The following SORCS1 variants were observed in gnomAD, a reference collection of about 807,000 sequenced individuals.
The protein encoded by SORCS1 is sortilin related VPS10 domain containing receptor 1.
Under a neutral mutation model 146.1 loss-of-function variants are expected in SORCS1, and 60 were observed. The ratio of observed to expected loss-of-function variants is 0.41; its 90% CI spans 0.33 to 0.51. The LOEUF (loss-of-function observed/expected upper bound fraction) is 0.51, where lower values mean the gene tolerates loss of function less well. SORCS1 is among the 20% of genes least tolerant of loss of function. SORCS1 has a pLI of 0.21. For synonymous variants in SORCS1, 637 were observed against 584.0 expected, an observed-to-expected ratio of 1.09 and a Z score of -1.31; for missense variants, 1,352 against 1,487.6, an observed-to-expected ratio of 0.91 and a Z score of 1.50.
chr10:106,988,861 C>T (rs914529157), intron 1 of SORCS1, among the ~76,000 whole-genome samples: 2 of 152,022 alleles, frequency 1.3e-5, no homozygotes, highest in Non-Finnish European at 2.9e-5. Flanking sequence ...GTATACTAAG[C>T]AAAGTGGTAG....
In SORCS1 at chr10:106,625,893, C is replaced by A. The variant is rs569277297; in HGVS notation, c.2662+3309G>T. Among the ~76,000 whole-genome samples the A allele has an allele frequency of 3.8e-4, 58 of 152,226 alleles. 1 individual carries two copies. The highest frequency in any genetic ancestry group is 3.9e-4 in the Admixed American group (6 of 15,304). On this transcript the variant is annotated intron_variant, in intron 19 of 25. Transcript: ENST00000263054. ...TGCTCTCTAAAACCTCTGCCCCATCCGACTGAAGGCAACACTGGCTGCAGC... is the reference window on the plus strand; with the variant it reads ...TGCTCTCTAAAACCTCTGCCCCATCAGACTGAAGGCAACACTGGCTGCAGC...
chr10:106,735,415 A>G (rs1856882265), intron 5 of SORCS1, among the ~76,000 whole-genome samples: 1 of 152,230 alleles, frequency 6.6e-6, no homozygotes, highest in Non-Finnish European at 1.5e-5. Flanking sequence ...CAATGAAGAA[A>G]GGGTTCTAAC....
At chr10:106,941,179 G>A (rs529051590) in intron 2 of SORCS1, among the ~76,000 whole-genome samples, 10 of 152,270 alleles carry the variant, frequency 6.6e-5, no homozygotes, top group African/African-American at 2.4e-4. Context: ...TAAATTGTCA[G>A]TATAAATGGC....
At chr10:106,753,071 T>C (rs1402659162) in intron 5 of SORCS1, among the ~76,000 whole-genome samples, 4 of 151,612 alleles carry the variant, frequency 2.6e-5, no homozygotes, top group African/African-American at 9.7e-5. Flanking sequence ...GCAGAGTATC[T>C]TGGAAAAAAA....
At chr10:106,613,602 G>T (rs1847157580) in intron 21 of SORCS1, among the ~76,000 whole-genome samples, 1 of 152,146 alleles carries the variant, frequency 6.6e-6, no homozygotes, top group Admixed American at 6.5e-5. Flanking sequence ...ACACTCTCTG[G>T]AGTTGGAGGT....
At chr10:107,164,749 G>T (rs1375087804), upstream of SORCS1, among the ~76,000 whole-genome samples, 1 of 149,772 alleles carries the variant, frequency 6.7e-6, no homozygotes, top group Non-Finnish European at 1.5e-5. This position sits in a 1 kb window ranked among gnomAD's most constrained non-coding sequence, Gnocchi z 6.8. Flanking sequence ...GCCGCGCGGG[G>T]GTGGAGCTGA....
intron 2 of SORCS1, among the ~76,000 whole-genome samples, chr10:106,850,882 A>G (rs1949541204): frequency 6.6e-6 from 1 of 152,116 alleles, no homozygotes; most frequent in Non-Finnish European, 1.5e-5. Flanking sequence ...GCCCTATTCT[A>G]GGCCTAGGAG....
At position 107,084,432 on chromosome 10, in the gene SORCS1, T is replaced by C. The variant is rs140655611; in HGVS notation, c.558+79537A>G. On this transcript the variant is annotated intron_variant, in intron 1 of 25. Coordinates refer to ENST00000263054, the MANE Select transcript of SORCS1 (RefSeq NM_052918.5). ...AAAGGTTTTAAATGGACAAGAACTA[T>C]ACTATTTCTCAGTCTCAGAAGACAA... Among the ~76,000 whole-genome samples the C allele has an allele frequency of 4.9e-4, 74 of 152,166 alleles. No homozygotes were observed. In the East Asian group the frequency reaches 0.014, roughly 29 times the overall value.
chr10:106,667,892 A>T (rs991155002), intron 16 of SORCS1, 90 bp from the exon 17 acceptor site: 1 of 738,696 alleles, frequency 1.4e-6, no homozygotes, highest in African/African-American at 1.8e-5. Flanking sequence ...GTTCCACACT[A>T]ATCAATTAGT....
intron 4 of SORCS1, among the ~76,000 whole-genome samples, chr10:106,776,211 A>G (rs1412896032): frequency 3.9e-5 from 6 of 152,198 alleles, no homozygotes; most frequent in Non-Finnish European, 7.3e-5. Flanking sequence ...ATGATCACCA[A>G]TCCACAAACA....
chr10:106,826,057 A>T (rs1000746397), intron 3 of SORCS1, among the ~76,000 whole-genome samples: 2 of 152,246 alleles, frequency 1.3e-5, no homozygotes, highest in Non-Finnish European at 2.9e-5. Context: ...ACTGTAAATA[A>T]GATCCTGCTT....
At chr10:106,654,794 T>C (rs1200614741) in intron 17 of SORCS1, among the ~76,000 whole-genome samples, 3 of 152,150 alleles carry the variant, frequency 2.0e-5, no homozygotes, top group Non-Finnish European at 4.4e-5. Flanking sequence ...AGACATAAGA[T>C]AACTGCCCAT....
chr10:107,039,823 C>T (rs887694746), intron 1 of SORCS1, among the ~76,000 whole-genome samples: 10 of 152,294 alleles, frequency 6.6e-5, no homozygotes, highest in Admixed American at 5.9e-4. Flanking sequence ...TTACTAACAA[C>T]TAAGGCCCCG....
At chr10:106,683,540 T>A (rs907557329) in intron 10 of SORCS1, among the ~76,000 whole-genome samples, 1 of 152,192 alleles carries the variant, frequency 6.6e-6, no homozygotes, top group African/African-American at 2.4e-5. Flanking sequence ...GGAATTACCA[T>A]AAAATGGAAG....
intron 1 of SORCS1, among the ~76,000 whole-genome samples, chr10:107,126,218 C>A (rs1801772568): frequency 6.6e-6 from 1 of 152,010 alleles, no homozygotes; most frequent in Admixed American, 6.6e-5. Flanking sequence ...ATCACTTCAT[C>A]CTATCTAAAA....
intron 2 of SORCS1, among the ~76,000 whole-genome samples, chr10:106,951,562 G>C (rs184751351): frequency 6.7e-6 from 1 of 150,254 alleles, no homozygotes; most frequent in Non-Finnish European, 1.5e-5. Context: ...CCTATCTGCT[G>C]TTGATCTAGG....
At chr10:106,872,219 C>T (rs546519584) in intron 2 of SORCS1, among the ~76,000 whole-genome samples, 12 of 152,280 alleles carry the variant, frequency 7.9e-5, no homozygotes, top group South Asian at 2.1e-4. Context: ...CTCCTTGAAA[C>T]GCATTTGAGA....
intron 5 of SORCS1, among the ~76,000 whole-genome samples, chr10:106,736,540 T>G (rs1589768601): frequency 7.2e-6 from 1 of 139,516 alleles, no homozygotes; most frequent in South Asian, 2.4e-4. Flanking sequence ...CAGTCAAGGG[T>G]TTCCCCTTCA....
At chr10:106,600,686 G>A in intron 23 of SORCS1, 1 of 985,436 alleles carries the variant, frequency 1.0e-6, no homozygotes, top group South Asian at 4.7e-5. Flanking sequence ...CATCTTAGGT[G>A]TCAGTGCTGG....
Sources: allele counts gnomAD v4.1 joint callset (sites outside exome capture counted in the v4.1 genomes callset), GRCh38; gene constraint gnomAD v4.1.1; non-coding constraint Gnocchi (gnomAD v3.1); transcripts MANE v1.5; gene names NCBI Gene and HGNC (gene_info 2026-07-23, HGNC 2026-07-21).